Variants in REEP5 observed in about 807,000 individuals in gnomAD.
REEP5 encodes receptor accessory protein 5.
REEP5 carries 24 observed loss-of-function variants against 22.4 expected under a neutral mutation model. The ratio of observed to expected loss-of-function variants is 1.07; its 90% CI spans 0.78 to 1.51. REEP5 has a LOEUF of 1.51. Ranked by LOEUF, REEP5 falls within the 40% of genes most tolerant of loss-of-function variation. The probability of loss-of-function intolerance (pLI) is 0.00; values close to 1 mark genes in which losing one functional copy is unlikely to be tolerated. For missense variants in REEP5, 252 were observed against 233.0 expected, an observed-to-expected ratio of 1.08 and a Z score of -0.53; for synonymous variants, 103 against 88.6, an observed-to-expected ratio of 1.16 and a Z score of -0.92.
intron 3 of REEP5, chr5:112,892,570 C>G: frequency 6.2e-7 from 1 of 1,614,112 alleles, no homozygotes; most frequent in Non-Finnish European, 8.5e-7. Context: ...CCCAGTGACC[C>G]GGTGGAAAAT....
At chr5:112,908,745 C>T (rs1011500463) in intron 2 of REEP5, among the ~76,000 whole-genome samples, 7 of 151,822 alleles carry the variant, frequency 4.6e-5, no homozygotes, top group Non-Finnish European at 7.4e-5. Flanking sequence ...TTAGTAGAGA[C>T]GGGGTTTCAC....
At chr5:112,921,021 C>G (rs1455461043) in intron 2 of REEP5, 142 bp downstream of exon 2, 1 of 732,270 alleles carries the variant, frequency 1.4e-6, no homozygotes, top group Non-Finnish European at 2.3e-6. Flanking sequence ...GAATACTATC[C>G]CCACCCCTTA....
intron 2 of REEP5, among the ~76,000 whole-genome samples, chr5:112,917,521 C>A (rs550148978): frequency 1.3e-5 from 2 of 152,302 alleles, no homozygotes; most frequent in East Asian, 3.9e-4. Flanking sequence ...CTGGGTAGGA[C>A]AGAAAGCAAA....
At chr5:112,893,094 TAAAAA>T (rs552226372) in intron 3 of REEP5, 145,845 of 493,688 alleles carry the variant, frequency 0.3, 13,543 homozygotes, top group African/African-American at 0.56. Context: ...GTTTTGTTCT[TAAAAA>T]AAAAAAAAAA....
chr5:112,921,842 C>A lies in REEP5; in HGVS notation c.118+231G>T, dbSNP rs561890380. The A allele has an allele frequency of 1.2e-5, 5 of 423,330 alleles. No homozygotes were observed. The South Asian group carries it at 1.6e-4, about 14-fold the overall frequency. The allele number at this position is 423,330 out of a possible 1,614,324, so 26.2% of individuals were successfully genotyped here. A position where few individuals can be genotyped will look rare whatever the true frequency, so the allele number is the denominator to read the frequency against. On this transcript the variant is annotated intron_variant, in intron 1 of 4. Transcript: ENST00000379638. ...GCGCTGGCCCTTCCAGCTGCCAGCG[C>A]CCGGCGCCGCAGCTGCCCTCCAGCC...
chr5:112,878,874 G>A, intron 4 of REEP5, 39 bp from the exon 5 acceptor site: 1 of 1,613,538 alleles, frequency 6.2e-7, no homozygotes, highest in Non-Finnish European at 8.5e-7. Flanking sequence ...ATATATCAAA[G>A]CTCTTTCTTT....
At chr5:112,899,262 G>GTTTT (rs35060737) in intron 3 of REEP5, among the ~76,000 whole-genome samples, 1 of 144,594 alleles carries the variant, frequency 6.9e-6, no homozygotes, top group African/African-American at 2.5e-5. Flanking sequence ...TTGGTTTTCG[G>GTTTT]TTTTTTTTTT....
chr5:112,914,492 C>T (rs1005713648), intron 2 of REEP5, among the ~76,000 whole-genome samples: 2 of 152,010 alleles, frequency 1.3e-5, no homozygotes, highest in African/African-American at 4.8e-5. Flanking sequence ...AGCCTCCCTG[C>T]CTGTCCCCCC....
rs1162896369 is a variant in REEP5, at chr5:112,876,881, T to C, written c.*1905A>G. 2 of 152,182 alleles carry C rather than the reference T, an allele frequency of 1.3e-5. No individual in the cohort carries two copies. Among genetic ancestry groups the C allele is most frequent in the Admixed American group, 6.5e-5 (1 of 15,278 alleles). 9.4% of individuals were successfully genotyped at this position (152,182 alleles called of 1,614,324 possible). On this transcript the variant is annotated 3_prime_UTR_variant, in exon 5 of 5. Transcript: ENST00000379638. Reference sequence around the variant, plus strand: ...TAGTATTTTAAAACTAATTTTAGCCTGTAAGTCATTATGAGCAATAGTAAC... The same window carrying C: ...TAGTATTTTAAAACTAATTTTAGCCCGTAAGTCATTATGAGCAATAGTAAC...
At chr5:112,892,012 GAA>G (rs1768474728) in intron 3 of REEP5, 2 of 1,306,576 alleles carry the variant, frequency 1.5e-6, no homozygotes, top group African/African-American at 2.9e-5. Flanking sequence ...GAAAGAGAGA[GAA>G]GAGGAGGAGC....
intron 2 of REEP5, among the ~76,000 whole-genome samples, chr5:112,911,566 C>T (rs1353116070): frequency 6.6e-6 from 1 of 152,210 alleles, no homozygotes; most frequent in Non-Finnish European, 1.5e-5. Flanking sequence ...TCCACTTTTA[C>T]AAGTTCTTAA....
At chr5:112,907,262 C>CG (rs1051951103) in intron 2 of REEP5, among the ~76,000 whole-genome samples, 2 of 152,088 alleles carry the variant, frequency 1.3e-5, no homozygotes, top group Non-Finnish European at 2.9e-5. Flanking sequence ...TCTCTAGTAC[C>CG]GCCTCATCCT....
chr5:112,883,986 C>T (rs1272848682), intron 4 of REEP5, among the ~76,000 whole-genome samples: 2 of 152,148 alleles, frequency 1.3e-5, no homozygotes, highest in African/African-American at 2.4e-5. Flanking sequence ...TACTTCTTAC[C>T]CCCTACTGCT....
At chr5:112,891,589 A>C in intron 3 of REEP5, 4 of 1,555,914 alleles carry the variant, frequency 2.6e-6, no homozygotes, top group Non-Finnish European at 3.5e-6. Context: ...AAAATCTTCC[A>C]TATATTCCCA....
chr5:112,886,177 G>A (rs916482309), intron 4 of REEP5, among the ~76,000 whole-genome samples: 10 of 152,184 alleles, frequency 6.6e-5, no homozygotes, highest in Admixed American at 5.9e-4. Flanking sequence ...GCCTGCCTGC[G>A]CTTCATTCAA....
intron 3 of REEP5, chr5:112,891,574 TG>T (rs1768449044): frequency 6.4e-7 from 1 of 1,551,572 alleles, no homozygotes; most frequent in South Asian, 1.2e-5. Context: ...GTGGCAGCTA[TG>T]AACAAAATCT....
chr5:112,913,068 C>T (rs138299314), intron 2 of REEP5, among the ~76,000 whole-genome samples: 1 of 152,262 alleles, frequency 6.6e-6, no homozygotes, highest in Non-Finnish European at 1.5e-5. Context: ...CTTTGGGAGG[C>T]CAAGGCAGAT....
At chr5:112,891,620 G>A in intron 3 of REEP5, 2 of 1,583,338 alleles carry the variant, frequency 1.3e-6, no homozygotes, top group African/African-American at 1.3e-5. Flanking sequence ...ATGTCTGAGG[G>A]GTCAGGCGGT....
intron 3 of REEP5, among the ~76,000 whole-genome samples, chr5:112,889,154 A>G (rs764519136): frequency 1.3e-5 from 2 of 150,824 alleles, no homozygotes; most frequent in Non-Finnish European, 2.9e-5. Context: ...TAAATTGCCC[A>G]GTCTCGGCTA....
Sources: allele counts gnomAD v4.1 joint callset (sites outside exome capture counted in the v4.1 genomes callset), GRCh38; gene constraint gnomAD v4.1.1; transcripts MANE v1.5; gene names NCBI Gene and HGNC (gene_info 2026-07-23, HGNC 2026-07-21).